The following DCC variants were observed in gnomAD, a reference collection of about 807,000 sequenced individuals.
DCC encodes the protein netrin receptor DCC.
A neutral mutation model predicts 172.5 loss-of-function variants in DCC; 58 were observed. The observed-to-expected ratio is 0.34, with a 90% CI of 0.27 to 0.42. The LOEUF (loss-of-function observed/expected upper bound fraction) is 0.42, where lower values mean the gene tolerates loss of function less well. Ranked by LOEUF, DCC falls within the 10% of genes least tolerant of loss-of-function variation. The probability of loss-of-function intolerance (pLI) is 1.00; values close to 1 mark genes in which losing one functional copy is unlikely to be tolerated. For synonymous variants in DCC, 709 were observed against 644.5 expected, an observed-to-expected ratio of 1.10 and a Z score of -1.52; for missense variants, 1,740 against 1,791.0, an observed-to-expected ratio of 0.97 and a Z score of 0.51.
At chr18:52,808,435 A>G (rs2038129284) in intron 2 of DCC, among the ~76,000 whole-genome samples, 1 of 151,866 alleles carries the variant, frequency 6.6e-6, no homozygotes, top group South Asian at 2.1e-4. Flanking sequence ...TCCCACCCAC[A>G]AAAGTCTCAA....
chr18:53,053,298 A>G (rs9953376), intron 5 of DCC, among the ~76,000 whole-genome samples: 41,389 of 152,050 alleles, frequency 0.27, 6,102 homozygotes, highest in East Asian at 0.38. Context: ...TCTGGGGTTT[A>G]AGGGAAGATA....
At chr18:52,644,076 T>G (rs756097230) in intron 1 of DCC, among the ~76,000 whole-genome samples, 1 of 152,014 alleles carries the variant, frequency 6.6e-6, no homozygotes, top group Non-Finnish European at 1.5e-5. Context: ...AATGACATAG[T>G]GTATTGTGTG....
At chr18:53,426,440 TTA>T (rs1568123801) in intron 21 of DCC, among the ~76,000 whole-genome samples, 164 of 143,922 alleles carry the variant, frequency 1.1e-3, no homozygotes, top group Non-Finnish European at 2.1e-3. Context: ...TTTATATTAT[TTA>T]TATATTTATG....
intron 12 of DCC, among the ~76,000 whole-genome samples, chr18:53,289,906 T>C (rs534406992): frequency 6.6e-6 from 1 of 152,286 alleles, no homozygotes; most frequent in Non-Finnish European, 1.5e-5. Flanking sequence ...ATTTTCTCTT[T>C]TTCAGAAAAT....
At chr18:53,228,174 T>C (rs1205158862) in intron 12 of DCC, among the ~76,000 whole-genome samples, 3 of 152,162 alleles carry the variant, frequency 2.0e-5, no homozygotes, top group Non-Finnish European at 4.4e-5. Flanking sequence ...AAAATACATT[T>C]GTGTTTCTTT....
Position 53,391,800 on chromosome 18 carries a change from C to T in DCC, c.2601C>T (p.Asn867=), listed in dbSNP as rs752908073. Residue 867 remains asparagine, a synonymous_variant, in exon 17 of 29, where the codon AAC becomes AAT. Transcript: ENST00000442544. ...CTGTGAGGGTCAGCTGGGCAGACAA[C>T]TCTGTCCCTAAGAACCAAAAGACGT... ...HDAVRVSWAD[N]SVPKNQKTSE... 7.4e-6 allele frequency: 12 copies of T among 1,613,900 alleles called. No individual in the cohort carries two copies. Among genetic ancestry groups the T allele is most frequent in the Non-Finnish European group, 1.0e-5 (12 of 1,179,894 alleles).
At chr18:53,369,142 T>A (rs972615657) in intron 15 of DCC, among the ~76,000 whole-genome samples, 3 of 151,970 alleles carry the variant, frequency 2.0e-5, no homozygotes, top group Admixed American at 6.6e-5. Context: ...ACTATAGAAG[T>A]CTTTTATCTC....
chr18:52,779,358 T>C lies in DCC; in HGVS notation c.412+26984T>C, dbSNP rs567444535. Among the ~76,000 whole-genome samples, 8 of 152,224 alleles carry C rather than the reference T, an allele frequency of 5.3e-5. No homozygotes were observed. The East Asian group carries it at 1.2e-3, about 22-fold the overall frequency. ...TTTGACGTTCCCCTCCCTGTGTCCA[T>C]GTGTACTAATTGTTCAACTCCCATT... is the stretch of plus-strand genomic sequence containing the variant. On this transcript the variant is annotated intron_variant, in intron 2 of 28. Transcript: ENST00000442544.
intron 21 of DCC, among the ~76,000 whole-genome samples, chr18:53,426,472 A>G (rs1193222971): frequency 6.9e-6 from 1 of 144,642 alleles, no homozygotes; most frequent in Non-Finnish European, 1.5e-5. Context: ...TTTATTATAT[A>G]TATTTTTATA....
intron 1 of DCC, among the ~76,000 whole-genome samples, chr18:52,362,158 G>A (rs372630893): frequency 3.9e-5 from 6 of 152,336 alleles, no homozygotes; most frequent in African/African-American, 1.2e-4. Flanking sequence ...GAAAAGGCCA[G>A]TCCCTGAGCT....
At chr18:52,489,219 T>C (rs151141170) in intron 1 of DCC, among the ~76,000 whole-genome samples, 75 of 152,230 alleles carry the variant, frequency 4.9e-4, no homozygotes, top group African/African-American at 1.8e-3. Context: ...GTGCTGCTGG[T>C]CCAGGAAGCT....
At chr18:52,986,437 G>A (rs2041294076) in intron 5 of DCC, among the ~76,000 whole-genome samples, 1 of 152,082 alleles carries the variant, frequency 6.6e-6, no homozygotes. Flanking sequence ...CTGAGTCTTA[G>A]TCATAAAGAG....
At chr18:53,484,356 G>C (rs919725918) in intron 25 of DCC, among the ~76,000 whole-genome samples, 5 of 151,224 alleles carry the variant, frequency 3.3e-5, no homozygotes, top group African/African-American at 9.7e-5. Context: ...GGCACTTTTT[G>C]TAACAATATA....
At chr18:52,517,858 G>T (rs575937160) in intron 1 of DCC, among the ~76,000 whole-genome samples, 1 of 152,250 alleles carries the variant, frequency 6.6e-6, no homozygotes, top group East Asian at 1.9e-4. Flanking sequence ...ATAGTGTTCT[G>T]GGTCTGGTTT....
chr18:53,206,344 T>C (rs867533030), intron 10 of DCC, among the ~76,000 whole-genome samples: 8 of 33,278 alleles, frequency 2.4e-4, no homozygotes, highest in South Asian at 9.0e-4. Context: ...TATATGTATA[T>C]ATGTATATAT....
intron 27 of DCC, among the ~76,000 whole-genome samples, chr18:53,502,390 T>C (rs974036798): frequency 4.6e-5 from 7 of 152,238 alleles, no homozygotes; most frequent in African/African-American, 1.7e-4. Flanking sequence ...CTTCCTGCAT[T>C]GCTCCTGACA....
chr18:53,323,865 C>T lies in DCC; in HGVS notation c.2164+1708C>T, dbSNP rs1004085487. Reference sequence around the variant, plus strand: ...GGTTTTTAAAGTCAAGACAATGATGCTGTTTGGGGACTGAAAAAGGCCATC... The same window carrying T: ...GGTTTTTAAAGTCAAGACAATGATGTTGTTTGGGGACTGAAAAAGGCCATC... On this transcript the variant is annotated intron_variant, in intron 14 of 28. Coordinates refer to ENST00000442544, the MANE Select transcript of DCC (RefSeq NM_005215.4). Among the ~76,000 whole-genome samples, 4 of 152,170 alleles carry T rather than the reference C, an allele frequency of 2.6e-5. No individual in the cohort carries two copies. In the East Asian group the frequency reaches 7.7e-4, roughly 29 times the overall value.
chr18:52,363,868 C>G (rs1984728973), intron 1 of DCC, among the ~76,000 whole-genome samples: 1 of 152,154 alleles, frequency 6.6e-6, no homozygotes, highest in African/African-American at 2.4e-5. Context: ...TCAACATTGG[C>G]TTTTTTCTTA....
At chr18:52,404,331 G>A (rs752567155) in intron 1 of DCC, among the ~76,000 whole-genome samples, 16 of 152,050 alleles carry the variant, frequency 1.1e-4, no homozygotes, top group Non-Finnish European at 1.9e-4. Context: ...TGAAGAGAAT[G>A]GGTTAGTACC....
Sources: gnomAD v4.1 joint callset for allele counts (sites outside exome capture counted in the v4.1 genomes callset) on GRCh38, gnomAD v4.1.1 for gene constraint, MANE v1.5 for transcripts, NCBI Gene and HGNC (gene_info 2026-07-23, HGNC 2026-07-21) for gene names.